The following ACER2 variants were observed in gnomAD, a reference collection of about 807,000 sequenced individuals.
ACER2 encodes alkaline ceramidase 2.
In ACER2, 26 loss-of-function variants were observed where a neutral mutation model predicts 34.7. The observed-to-expected ratio is 0.75, with a 90% CI of 0.55 to 1.04. ACER2 has a LOEUF of 1.04. ACER2 is among the 50% of genes least tolerant of loss of function. ACER2 has a pLI of 0.00. For missense variants in ACER2, 352 were observed against 340.8 expected, an observed-to-expected ratio of 1.03 and a Z score of -0.26; for synonymous variants, 138 against 132.1, an observed-to-expected ratio of 1.04 and a Z score of -0.31.
Position 19,423,843 on chromosome 9 carries a change from T to C in ACER2, c.109-19T>C, listed in dbSNP as rs1448255465. 1.9e-6 allele frequency: 3 copies of C among 1,592,316 alleles called. No individual in the cohort carries two copies. The highest frequency in any genetic ancestry group is 1.1e-5 in the South Asian group (1 of 90,560). On this transcript the variant is annotated intron_variant, in intron 1 of 5. Coordinates refer to ENST00000340967, the MANE Select transcript of ACER2 (RefSeq NM_001010887.3). ...TTTACTTAATACTCATCTTTCTGTT[T>C]TACATTTTTTTCCTGCAGATCAGCA...
intron 1 of ACER2, among the ~76,000 whole-genome samples, chr9:19,416,992 C>G (rs1401167294): frequency 1.3e-5 from 2 of 152,068 alleles, no homozygotes; most frequent in Non-Finnish European, 2.9e-5. Flanking sequence ...CCTCTCAGCC[C>G]AAAAACTCCT....
chr9:19,424,121 T>C, intron 2 of ACER2, 145 bp downstream of exon 2: 1 of 821,432 alleles, frequency 1.2e-6, no homozygotes, highest in African/African-American at 1.7e-5. Flanking sequence ...TTTTTCCCAC[T>C]TGCTTGAATG....
intron 4 of ACER2, among the ~76,000 whole-genome samples, chr9:19,441,343 C>T (rs1447815118): frequency 2.0e-5 from 3 of 152,152 alleles, no homozygotes; most frequent in African/African-American, 7.2e-5. Flanking sequence ...GCCACATGCC[C>T]AGCCCTGAGC....
At chr9:19,432,542 A>T (rs1228915295) in intron 3 of ACER2, among the ~76,000 whole-genome samples, 1 of 144,180 alleles carries the variant, frequency 6.9e-6, no homozygotes, top group South Asian at 2.3e-4. Context: ...TGCAAAACCT[A>T]TATATATATG....
rs943861968 is a variant in ACER2 at position 19,418,358 on chromosome 9, A to G, written c.109-5504A>G. ...AATGCCATTACTAGGTATATACCCA[A>G]AGGATTATAAATCATTCTACTATAA... On this transcript the variant is annotated intron_variant, in intron 1 of 5. Transcript: ENST00000340967. 2.9e-4 allele frequency among the ~76,000 whole-genome samples: 44 copies of G among 152,234 alleles called. 1 individual carries two copies. Among genetic ancestry groups the G allele is most frequent in the Admixed American group, 1.2e-3 (18 of 15,284 alleles).
rs560602011 is a variant in ACER2, at chr9:19,431,046, C to G, written c.366-3901C>G. On this transcript the variant is annotated intron_variant, in intron 3 of 5. Coordinates refer to ENST00000340967, the MANE Select transcript of ACER2 (RefSeq NM_001010887.3). ...TTTTTTCAAGCTTACTGCCTTTAAA[C>G]CATTTGGCAGTACTCTGTGGAGCCT... Among the ~76,000 whole-genome samples the G allele has an allele frequency of 5.8e-4, 89 of 152,154 alleles. No homozygotes were observed. The South Asian group carries it at 0.017, about 29-fold the overall frequency.
In ACER2 at chr9:19,423,959, C is replaced by A; in HGVS notation, c.206C>A (p.Thr69Asn). 6.2e-7 allele frequency: 1 copy of A among 1,613,654 alleles called. No individual in the cohort carries two copies. Among genetic ancestry groups the A allele is most frequent in the Non-Finnish European group, 8.5e-7 (1 of 1,179,610 alleles). Residue 69 changes from threonine (T) to asparagine (N), a missense_variant, in exon 2 of 6, where the codon ACT becomes AAT. Thr to Asn is a moderately conservative substitution (Grantham distance 65). Transcript: ENST00000340967. ...AACAGTGGCATCTACTTAATCTGGACTCTTTTGGTTGTAGTGGGTAAGTGG... is the reference window on the plus strand; with the variant it reads ...AACAGTGGCATCTACTTAATCTGGAATCTTTTGGTTGTAGTGGGTAAGTGG... ...CFNSGIYLIW[T>N]LLVVVGIGSV...
At chr9:19,413,603 G>GA (rs11346520) in intron 1 of ACER2, among the ~76,000 whole-genome samples, 188 of 125,602 alleles carry the variant, frequency 1.5e-3, no homozygotes, top group Non-Finnish European at 1.5e-3. Flanking sequence ...CCATCTTAAG[G>GA]AAAAAAAAAA....
chr9:19,441,186 A>T (rs971528512), intron 4 of ACER2, among the ~76,000 whole-genome samples: 1 of 151,690 alleles, frequency 6.6e-6, no homozygotes, highest in African/African-American at 2.4e-5. Flanking sequence ...AGTAGCTGGG[A>T]CCACAGGCAT....
chr9:19,445,685 T>C (rs1253247577), intron 4 of ACER2, among the ~76,000 whole-genome samples: 1 of 151,888 alleles, frequency 6.6e-6, no homozygotes, highest in Non-Finnish European at 1.5e-5. Flanking sequence ...GTGGCTTGAG[T>C]ATGGGCAGTG....
intron 1 of ACER2, chr9:19,409,879 G>A: frequency 1.0e-6 from 1 of 985,416 alleles, no homozygotes; most frequent in Non-Finnish European, 1.2e-6. Context: ...TAATGTGCGG[G>A]TTTTGGATTT....
chr9:19,436,561 AT>A (rs5896842), intron 4 of ACER2, among the ~76,000 whole-genome samples: 152,070 of 152,074 alleles, frequency 1, 76,033 homozygotes, highest in Middle Eastern at 1. Context: ...ATCTAGCTGT[AT>A]TTTTTTTAAA....
chr9:19,446,513 G>C, intron 5 of ACER2, 95 bp downstream of exon 5: 14 of 1,576,644 alleles, frequency 8.9e-6, no homozygotes, highest in Non-Finnish European at 1.1e-5. Context: ...CAGGTGTCCT[G>C]TGGGTTGCTG....
chr9:19,421,839 A>T (rs1830416457), intron 1 of ACER2, among the ~76,000 whole-genome samples: 1 of 152,194 alleles, frequency 6.6e-6, no homozygotes. Context: ...AACAAAAAGT[A>T]AGTTAAAAAA....
intron 4 of ACER2, among the ~76,000 whole-genome samples, chr9:19,437,747 T>C (rs530396840): frequency 6.6e-6 from 1 of 152,290 alleles, no homozygotes; most frequent in African/African-American, 2.4e-5. Context: ...TCCAAAATCC[T>C]ACCCCTTCTG....
chr9:19,410,875 C>T (rs189516258), intron 1 of ACER2, among the ~76,000 whole-genome samples: 2 of 152,308 alleles, frequency 1.3e-5, no homozygotes, highest in Non-Finnish European at 2.9e-5. Flanking sequence ...AGTGGTAACA[C>T]AAGCTGTCCT....
intron 4 of ACER2, among the ~76,000 whole-genome samples, chr9:19,441,300 T>C (rs947068547): frequency 6.6e-6 from 1 of 152,102 alleles, no homozygotes; most frequent in Non-Finnish European, 1.5e-5. Context: ...CTGCCCTCCT[T>C]GGCCTCCCAA....
At chr9:19,449,710 C>G (rs1831493221) in intron 5 of ACER2, among the ~76,000 whole-genome samples, 1 of 151,488 alleles carries the variant, frequency 6.6e-6, no homozygotes, top group Non-Finnish European at 1.5e-5. Flanking sequence ...ATGGTGAAAC[C>G]CCCTCCCTCT....
intron 1 of ACER2, among the ~76,000 whole-genome samples, chr9:19,420,329 G>T (rs748017897): frequency 3.0e-4 from 45 of 152,052 alleles, no homozygotes; most frequent in Non-Finnish European, 5.1e-4. Flanking sequence ...TTTAGTCCAG[G>T]ACCCCTCCCA....
Sources: allele counts gnomAD v4.1 joint callset (sites outside exome capture counted in the v4.1 genomes callset), GRCh38; gene constraint gnomAD v4.1.1; transcripts MANE v1.5; gene names NCBI Gene and HGNC (gene_info 2026-07-23, HGNC 2026-07-21).